The following HDAC5 variants were observed in gnomAD, a reference collection of about 807,000 sequenced individuals.
HDAC5 encodes histone deacetylase 5.
Under a neutral mutation model 133.3 loss-of-function variants are expected in HDAC5, and 25 were observed. The observed-to-expected ratio is 0.19, with a 90% confidence interval of 0.14 to 0.26. The LOEUF (loss-of-function observed/expected upper bound fraction) is 0.26. Ranked by LOEUF, HDAC5 falls within the 10% of genes least tolerant of loss-of-function variation. The pLI, the probability that HDAC5 is intolerant of heterozygous loss-of-function variation, is 1.00. For missense variants in HDAC5, 1,041 were observed against 1,460.5 expected, an observed-to-expected ratio of 0.71 and a Z score of 4.68; for synonymous variants, 589 against 610.8, an observed-to-expected ratio of 0.96 and a Z score of 0.53.
rs772961890 is a variant in HDAC5 at position 44,093,365 on chromosome 17, G to A, written c.475C>T (p.Arg159Trp). 12 of 1,582,274 alleles carry A rather than the reference G, an allele frequency of 7.6e-6. No homozygotes were observed. Among genetic ancestry groups the A allele is most frequent in the Admixed American group, 1.8e-5 (1 of 55,022 alleles). Reference sequence around the variant, plus strand: ...AGGATGAGCAGCTGCTGCTCCAGCCGCTGCTTCTCCAGCTCTTCCTGCCGC... The same window carrying A: ...AGGATGAGCAGCTGCTGCTCCAGCCACTGCTTCTCCAGCTCTTCCTGCCGC... Reference protein sequence around the residue: ...QQRQEELEKQRLEQQLLILRN... With the variant: ...QQRQEELEKQWLEQQLLILRN... The change falls in exon 5 of 27, where the codon CGG (arginine) becomes TGG (tryptophan). Residue 159 changes from arginine (R) to tryptophan (W), a missense_variant. By Grantham distance (101) the Arg-to-Trp change is moderately radical (BLOSUM62 -3). Around this residue, in one of 9 missense-constraint regions of HDAC5, gnomAD observed 109 missense variants for 168.0 expected, o/e 0.65. Transcript: ENST00000682912.
rs189854982 is a variant in HDAC5, at chr17:44,121,352, C to T, written c.-190+2152G>A. ...AAGTCGGCTACAATAGGCCCCCTCA[C>T]GGGCTACATCAGGTTTTCATTCATG... On this transcript the variant is annotated intron_variant, in intron 1 of 26. Coordinates refer to ENST00000682912, the MANE Select transcript of HDAC5 (RefSeq NM_005474.5). Among the ~76,000 whole-genome samples the T allele has an allele frequency of 3.8e-3, 579 of 152,090 alleles. 2 individuals carry two copies. Among genetic ancestry groups the T allele is most frequent in the Admixed American group, 5.8e-3 (88 of 15,270 alleles).
chr17:44,096,622 C>T (rs1464998350), intron 3 of HDAC5, among the ~76,000 whole-genome samples: 1 of 151,744 alleles, frequency 6.6e-6, no homozygotes. Context: ...TACAGGCACC[C>T]GCCACCACGC....
chr17:44,093,271 T>C (rs756008596), intron 5 of HDAC5, 43 bp downstream of exon 5: 1 of 1,582,520 alleles, frequency 6.3e-7, no homozygotes, highest in Non-Finnish European at 8.6e-7. Flanking sequence ...GGGGCAGGCA[T>C]CACGGGCGGG....
intron 3 of HDAC5, among the ~76,000 whole-genome samples, chr17:44,108,368 T>C (rs1465329820): frequency 6.6e-6 from 1 of 152,122 alleles, no homozygotes; most frequent in Non-Finnish European, 1.5e-5. Context: ...CATTCATCCA[T>C]GTGCCAGGCA....
intron 3 of HDAC5, among the ~76,000 whole-genome samples, chr17:44,094,785 T>C (rs557865084): frequency 1.3e-5 from 2 of 152,006 alleles, no homozygotes; most frequent in Non-Finnish European, 2.9e-5. Context: ...CACATACATA[T>C]GTGTGTGTAT....
intron 14 of HDAC5, chr17:44,085,432 A>G: frequency 3.6e-6 from 1 of 275,602 alleles, no homozygotes; most frequent in East Asian, 6.3e-5. Flanking sequence ...CACTGCCCCC[A>G]CCACCCTGGG....
At chr17:44,104,808 T>C (rs1487133973) in intron 3 of HDAC5, among the ~76,000 whole-genome samples, 2 of 95,044 alleles carry the variant, frequency 2.1e-5, no homozygotes, top group Non-Finnish European at 4.8e-5. Context: ...TGAGCCCCAC[T>C]GCAGGTGACA....
chr17:44,079,867 C>G (rs1310914051), intron 23 of HDAC5, among the ~76,000 whole-genome samples: 1 of 152,148 alleles, frequency 6.6e-6, no homozygotes, highest in Non-Finnish European at 1.5e-5. Context: ...ACAAGCCCAT[C>G]TCTACAGCTC....
rs140895306 is a variant in HDAC5, at chr17:44,092,390, C to T, written c.910G>A (p.Gly304Arg). ...TGAGAGCAGCCCTTACCCCCAGGCCCGGCACCTGTGATCTCAACAGCTCTC... is the reference window on the plus strand; with the variant it reads ...TGAGAGCAGCCCTTACCCCCAGGCCTGGCACCTGTGATCTCAACAGCTCTC... ...KKRAVEITGAGPGASSVCNSA... is the reference protein window; with the variant it reads ...KKRAVEITGARPGASSVCNSA... Residue 304 changes from glycine (G) to arginine (R), a missense_variant, in exon 8 of 27, where the codon GGG becomes AGG. Around this residue, in one of 9 missense-constraint regions of HDAC5, gnomAD observed 433 missense variants for 531.6 expected, o/e 0.81. Coordinates refer to ENST00000682912, the MANE Select transcript of HDAC5 (RefSeq NM_005474.5). The T allele has an allele frequency of 2.4e-5, 38 of 1,612,386 alleles. No individual in the cohort carries two copies. Among genetic ancestry groups the T allele is most frequent in the South Asian group, 1.2e-4 (11 of 91,052 alleles).
intron 2 of HDAC5, chr17:44,111,482 C>G (rs2052341997): frequency 2.3e-6 from 1 of 442,736 alleles, no homozygotes; most frequent in South Asian, 1.6e-5. Context: ...GCCAGGGTAC[C>G]CATGCATCTG....
chr17:44,118,912 G>A (rs2052815385), intron 1 of HDAC5, among the ~76,000 whole-genome samples: 1 of 152,150 alleles, frequency 6.6e-6, no homozygotes, highest in Non-Finnish European at 1.5e-5. Flanking sequence ...ATTCCCAAGG[G>A]TGGGGTCCAT....
chr17:44,122,721 G>A (rs768415175), intron 1 of HDAC5, among the ~76,000 whole-genome samples: 31 of 152,152 alleles, frequency 2.0e-4, no homozygotes, highest in Non-Finnish European at 3.1e-4. Flanking sequence ...AGGGAAGGGT[G>A]GGGTGGAGAA....
intron 16 of HDAC5, among the ~76,000 whole-genome samples, chr17:44,084,340 A>G (rs1014935040): frequency 1.3e-5 from 2 of 152,142 alleles, no homozygotes; most frequent in Non-Finnish European, 2.9e-5. Flanking sequence ...CCCCCAACCG[A>G]GCACTTCCAT....
In HDAC5 at chr17:44,092,745, G is replaced by A. The variant is rs1005576355; in HGVS notation, c.703C>T (p.Pro235Ser). ...GGCAAAGGCAGTTTGTAGGAGGGAGGCGTCCCAGGGGGGCCGCTCTGGGGA... is the reference window on the plus strand; with the variant it reads ...GGCAAAGGCAGTTTGTAGGAGGGAGACGTCCCAGGGGGGCCGCTCTGGGGA... ...SPPQSGPPGT[P>S]PSYKLPLPGP... The change falls in exon 7 of 27, where the codon CCT (proline) becomes TCT (serine). Residue 235 changes from proline to serine, a missense_variant. Physicochemically the swap from Pro to Ser is moderately conservative, Grantham distance 74. Transcript: ENST00000682912. 2.0e-6 allele frequency: 3 copies of A among 1,471,596 alleles called. No individual in the cohort carries two copies. The highest frequency in any genetic ancestry group is 1.4e-5 in the African/African-American group (1 of 70,502). The allele number at this position is 1,471,596 out of a possible 1,614,324, so 91.2% of individuals were successfully genotyped here. A position where few individuals can be genotyped will look rare whatever the true frequency, so the allele number is the denominator to read the frequency against.
intron 12 of HDAC5, 136 bp downstream of exon 12, chr17:44,088,251 G>T: frequency 2.2e-6 from 3 of 1,357,476 alleles, no homozygotes; most frequent in Non-Finnish European, 2.0e-6. Flanking sequence ...GACCTCAGGC[G>T]ATCTGCCCAC....
At chr17:44,102,663 CTCTCT>C (rs1470276468) in intron 3 of HDAC5, among the ~76,000 whole-genome samples, 4 of 125,598 alleles carry the variant, frequency 3.2e-5, no homozygotes, top group African/African-American at 5.7e-5. Context: ...CGGCCAGGTT[CTCTCT>C]TTTTTTTTTT....
rs746211523 is a variant in HDAC5, at chr17:44,093,406, C to T, written c.434G>A (p.Arg145Gln). ...AKRQQELEQQRQREQQRQEEL... is the reference protein window; with the variant it reads ...AKRQQELEQQQQREQQRQEEL... ...TTCCTGCCGCTGCTGCTCCCGCTGC[C>T]GCTGCTGCTCCAGCTCCTGCTGCCG... The change falls in exon 5 of 27, where the codon CGG becomes CAG. Residue 145 changes from arginine (R) to glutamine (Q), a missense_variant. By Grantham distance (43) the Arg-to-Gln change is conservative. Around this residue, in one of 9 missense-constraint regions of HDAC5, gnomAD observed 109 missense variants for 168.0 expected, o/e 0.65. Coordinates refer to ENST00000682912, the MANE Select transcript of HDAC5 (RefSeq NM_005474.5). 1.0e-5 allele frequency: 16 copies of T among 1,593,284 alleles called. No homozygotes were observed. The highest frequency in any genetic ancestry group is 4.4e-5 in the South Asian group (4 of 89,964).
intron 3 of HDAC5, among the ~76,000 whole-genome samples, chr17:44,105,287 A>T (rs931027823): frequency 6.6e-6 from 1 of 152,186 alleles, no homozygotes; most frequent in African/African-American, 2.4e-5. Context: ...CTTGAGGCAG[A>T]CTGTGACTCT....
At position 44,117,927 on chromosome 17, in the gene HDAC5, C is replaced by T. The variant is rs550110471; in HGVS notation, c.-189-223G>A. Among the ~76,000 whole-genome samples, 1 of 152,164 alleles carries T rather than the reference C, an allele frequency of 6.6e-6. No homozygotes were observed. The highest frequency in any genetic ancestry group is 2.4e-5 in the African/African-American group (1 of 41,440). ...AAGGGATAGGAAATGGCTATGGTGGCCAAACCCAACAGACCCCTTTTCAGG... is the reference window on the plus strand; with the variant it reads ...AAGGGATAGGAAATGGCTATGGTGGTCAAACCCAACAGACCCCTTTTCAGG... On this transcript the variant is annotated intron_variant, in intron 1 of 26. Transcript: ENST00000682912. The surrounding 1 kb of genome is among the most constrained non-coding windows in gnomAD (Gnocchi z 4.2).
Sources: gnomAD v4.1 joint callset for allele counts (sites outside exome capture counted in the v4.1 genomes callset) on GRCh38, gnomAD v4.1.1 for gene constraint, gnomAD v4.1.1 regional missense constraint, Gnocchi (gnomAD v3.1) non-coding constraint, MANE v1.5 for transcripts, NCBI Gene and HGNC (gene_info 2026-07-23, HGNC 2026-07-21) for gene names.